Variants in RORA observed in about 807,000 individuals in gnomAD.
RORA encodes the protein RAR related orphan receptor A.
A neutral mutation model predicts 69.5 loss-of-function variants in RORA; 7 were observed. That is an observed-to-expected ratio of 0.10 (90% CI 0.06 to 0.19). The LOEUF (loss-of-function observed/expected upper bound fraction) is 0.19, where lower values mean the gene tolerates loss of function less well. RORA is among the 10% of genes least tolerant of loss of function. RORA has a pLI of 1.00. For missense variants in RORA, 457 were observed against 663.0 expected, an observed-to-expected ratio of 0.69 and a Z score of 3.41; for synonymous variants, 261 against 240.8, an observed-to-expected ratio of 1.08 and a Z score of -0.78.
chr15:61,016,753 T>G (rs1595880338), intron 1 of RORA, among the ~76,000 whole-genome samples: 1 of 152,258 alleles, frequency 6.6e-6, no homozygotes, highest in East Asian at 1.9e-4. Flanking sequence ...GACAAGTCAC[T>G]GGGCAATTAG....
At position 60,819,765 on chromosome 15, in the gene RORA, A is replaced by ACACACACACACACGCG. The variant is rs1555455757; in HGVS notation, c.167-141080_167-141079insCGCGTGTGTGTGTGTG. Among the ~76,000 whole-genome samples the ACACACACACACACGCG allele has an allele frequency of 1.5e-3, 188 of 124,440 alleles. 2 individuals carry two copies. Among genetic ancestry groups the ACACACACACACACGCG allele is most frequent in the South Asian group, 8.5e-3 (36 of 4,254 alleles). The allele number at this position is 124,440 out of a possible 152,430, so 81.6% of individuals were successfully genotyped here. A position where few individuals can be genotyped will look rare whatever the true frequency, so the allele number is the denominator to read the frequency against. Reference sequence around the variant, plus strand: ...AACCCAGACACACACACACACACACACACACACACACACACACACACACAC... The same window carrying ACACACACACACACGCG: ...AACCCAGACACACACACACACACACACACACACACACACGCGCACACACACACACACACACACACAC... On this transcript the variant is annotated intron_variant, in intron 1 of 10. Transcript: ENST00000335670.
intron 1 of RORA, among the ~76,000 whole-genome samples, chr15:60,739,655 G>A (rs1159359832): frequency 6.6e-6 from 1 of 152,060 alleles, no homozygotes; most frequent in African/African-American, 2.4e-5. Context: ...CTGGGGGAAG[G>A]TGAACTTCTC....
At chr15:61,010,942 A>G (rs1337198300) in intron 1 of RORA, among the ~76,000 whole-genome samples, 1 of 152,176 alleles carries the variant, frequency 6.6e-6, no homozygotes, top group Non-Finnish European at 1.5e-5. Flanking sequence ...CCATGCATAT[A>G]TATTGATTAA....
At chr15:60,734,524 A>G (rs2071473469) in intron 1 of RORA, among the ~76,000 whole-genome samples, 1 of 152,234 alleles carries the variant, frequency 6.6e-6, no homozygotes, top group African/African-American at 2.4e-5. Flanking sequence ...TGCAAAGACA[A>G]GACACGTTTT....
At chr15:60,589,909 T>G (rs192141848) in intron 2 of RORA, among the ~76,000 whole-genome samples, 115 of 152,318 alleles carry the variant, frequency 7.5e-4, no homozygotes, top group Middle Eastern at 3.4e-3. Context: ...AAAAATCTAG[T>G]TATACAAACT....
In RORA at chr15:60,650,311, G is replaced by A. The variant is rs182034029; in HGVS notation, c.196+28346C>T. ...AAGGCTTTCTCTATTGAAGTTGTTCGAGAACATTTATGGTTATTTCAGCTT... is the reference window on the plus strand; with the variant it reads ...AAGGCTTTCTCTATTGAAGTTGTTCAAGAACATTTATGGTTATTTCAGCTT... On this transcript the variant is annotated intron_variant, in intron 2 of 10. Transcript: ENST00000335670. 3.6e-4 allele frequency among the ~76,000 whole-genome samples: 55 copies of A among 152,180 alleles called. No homozygotes were observed. The South Asian group carries it at 6.0e-3, about 17-fold the overall frequency.
chr15:60,722,324 C>A (rs1456794591), intron 1 of RORA, among the ~76,000 whole-genome samples: 1 of 152,186 alleles, frequency 6.6e-6, no homozygotes, highest in Non-Finnish European at 1.5e-5. Context: ...GAAATAAAAT[C>A]ACAAAGATAA....
At chr15:61,016,305 C>T (rs920499073) in intron 1 of RORA, among the ~76,000 whole-genome samples, 2 of 152,174 alleles carry the variant, frequency 1.3e-5, no homozygotes, top group African/African-American at 2.4e-5. Flanking sequence ...CTAGCAAATG[C>T]TAGCCACTAA....
intron 2 of RORA, among the ~76,000 whole-genome samples, chr15:60,573,042 C>T (rs2067925579): frequency 6.6e-6 from 1 of 152,088 alleles, no homozygotes; most frequent in South Asian, 2.1e-4. Flanking sequence ...GCTTTTTGCT[C>T]GATAGTCAAT....
chr15:60,714,076 CAG>C (rs1181143822), intron 1 of RORA, among the ~76,000 whole-genome samples: 6 of 150,038 alleles, frequency 4.0e-5, no homozygotes, highest in Non-Finnish European at 7.4e-5. Context: ...TTTTTCGAGA[CAG>C]AGTCTCACTC....
rs1406826934 is a variant in RORA, at chr15:60,494,160, C to G, written c.*3295G>C. ...TAAAAAAAAATCCATAGCTTTAATA[C>G]ACGTTAAGATGCTGAACACTTTAAA... On this transcript the variant is annotated 3_prime_UTR_variant, in exon 11 of 11. Transcript: ENST00000335670. 6.8e-6 allele frequency: 1 copy of G among 146,236 alleles called. No homozygotes were observed. Among genetic ancestry groups the G allele is most frequent in the Non-Finnish European group, 1.5e-5 (1 of 66,422 alleles). The allele number at this position is 146,236 out of a possible 1,614,324, so 9.1% of individuals were successfully genotyped here. A position where few individuals can be genotyped will look rare whatever the true frequency, so the allele number is the denominator to read the frequency against.
intron 1 of RORA, among the ~76,000 whole-genome samples, chr15:61,138,919 G>A (rs1223813115): frequency 2.0e-5 from 3 of 152,220 alleles, no homozygotes; most frequent in African/African-American, 7.2e-5. Flanking sequence ...GCCGAGGCGG[G>A]TGGACCACGA....
intron 1 of RORA, among the ~76,000 whole-genome samples, chr15:60,988,926 G>A (rs576665039): frequency 2.2e-4 from 33 of 152,270 alleles, no homozygotes; most frequent in East Asian, 7.7e-4. Context: ...GAAAGGGTGC[G>A]GGTTGTGGGG....
At chr15:60,674,453 A>G (rs1428100929) in intron 2 of RORA, among the ~76,000 whole-genome samples, 2 of 152,212 alleles carry the variant, frequency 1.3e-5, no homozygotes, top group Non-Finnish European at 2.9e-5. Flanking sequence ...GTCAAATTCA[A>G]AGCCAAGTCT....
chr15:60,992,514 C>T (rs2140370964), intron 1 of RORA, among the ~76,000 whole-genome samples: 1 of 152,288 alleles, frequency 6.6e-6, no homozygotes, highest in Middle Eastern at 3.4e-3. Context: ...ACTAGATCTT[C>T]CTATCCCCCA....
chr15:61,091,493 C>T (rs1330396480), intron 1 of RORA, among the ~76,000 whole-genome samples: 2 of 152,208 alleles, frequency 1.3e-5, no homozygotes, highest in Non-Finnish European at 2.9e-5. Flanking sequence ...CAGGGCTTGG[C>T]ACACACACTC....
chr15:60,519,410 TCG>T (rs1003699538), intron 3 of RORA, among the ~76,000 whole-genome samples: 3 of 152,212 alleles, frequency 2.0e-5, no homozygotes, highest in African/African-American at 7.2e-5. Context: ...CTCAGAGTCC[TCG>T]CTGTAGCATG....
rs71122860 is a variant in RORA, at chr15:60,493,949, TCACACACACACA to T, written c.*3494_*3505del. On this transcript the variant is annotated 3_prime_UTR_variant, in exon 11 of 11. Coordinates refer to ENST00000335670, the MANE Select transcript of RORA (RefSeq NM_134261.3). ...CGCACACACATCATACACATGCAAATCACACACACACACACACACACACACACACACACACAC... is the reference window on the plus strand; with the variant it reads ...CGCACACACATCATACACATGCAAATCACACACACACACACACACACACAC... The T allele has an allele frequency of 0.1, 14,850 of 144,028 alleles. 893 individuals carry two copies. The highest frequency in any genetic ancestry group is 0.2 in the Middle Eastern group (57 of 288). 8.9% of individuals were successfully genotyped at this position (144,028 alleles called of 1,614,324 possible).
At chr15:61,043,816 TC>T (rs1270530723) in intron 1 of RORA, among the ~76,000 whole-genome samples, 1 of 152,100 alleles carries the variant, frequency 6.6e-6, no homozygotes, top group African/African-American at 2.4e-5. Context: ...TCTAACCTGG[TC>T]CCTTTGCTTT....
Sources: allele counts gnomAD v4.1 joint callset (sites outside exome capture counted in the v4.1 genomes callset), GRCh38; gene constraint gnomAD v4.1.1; transcripts MANE v1.5; gene names NCBI Gene and HGNC (gene_info 2026-07-23, HGNC 2026-07-21).